SERPINF1: variants seen among roughly 807,000 people sequenced by gnomAD.
SERPINF1 encodes the protein serpin family F member 1, also known as pigment epithelium-derived factor.
A neutral mutation model predicts 37.3 loss-of-function variants in SERPINF1; 29 were observed. That is an observed-to-expected ratio of 0.78 (90% CI 0.58 to 1.06). SERPINF1 has a LOEUF of 1.06. Ranked by LOEUF, SERPINF1 falls within the 50% of genes least tolerant of loss-of-function variation. The pLI, the probability that SERPINF1 is intolerant of heterozygous loss-of-function variation, is 0.00. For synonymous variants in SERPINF1, 281 were observed against 227.9 expected (o/e 1.23, Z -2.10); for missense variants, 553 against 532.2 (o/e 1.04, Z -0.38).
chr17:1,771,877 C>G lies in SERPINF1; in HGVS notation c.445C>G (p.Arg149Gly), dbSNP rs781065150. The stretch of plus-strand genomic sequence containing the variant: ...TCTGCTCCGCCTCTTCTCAGAGCTG[C>G]GCATAAAATCCAGCTTTGTGGCACC... ...ASRIVFEKKL[R>G]IKSSFVAPLE... The change falls in exon 5 of 8, where the codon CGC (arginine) becomes GGC (glycine). Residue 149 changes from arginine (R) to glycine (G), a missense_variant. Arg to Gly is a moderately radical substitution (Grantham distance 125). Transcript: ENST00000254722. 1 of 1,612,226 alleles carries G rather than the reference C, an allele frequency of 6.2e-7. No individual in the cohort carries two copies.
In SERPINF1 at chr17:1,771,082, A is replaced by T; in HGVS notation, c.337A>T (p.Ile113Phe). The change falls in exon 4 of 8, where the codon ATC (isoleucine) becomes TTC (phenylalanine). Residue 113 changes from isoleucine to phenylalanine, a missense_variant. Transcript: ENST00000254722. ...IIHRALYYDL[I>F]SSPDIHGTYK... ...TCACCGGGCTCTCTACTATGACTTG[A>T]TCAGCAGCCCAGACATCCATGGTAC... 1.2e-6 allele frequency: 2 copies of T among 1,614,032 alleles called. No homozygotes were observed. Among genetic ancestry groups the T allele is most frequent in the Non-Finnish European group, 1.7e-6 (2 of 1,179,982 alleles).
At chr17:1,771,503 G>C (rs1907735598) in intron 4 of SERPINF1, among the ~76,000 whole-genome samples, 1 of 152,120 alleles carries the variant, frequency 6.6e-6, no homozygotes, top group African/African-American at 2.4e-5. Context: ...CTCCCAAAGT[G>C]CTGGGATTAC....
intron 3 of SERPINF1, chr17:1,770,470 T>G: frequency 5.4e-6 from 1 of 186,594 alleles, no homozygotes; most frequent in Non-Finnish European, 1.1e-5. Flanking sequence ...TTTTTTTTTT[T>G]TCTTTCTGAG....
intron 4 of SERPINF1, 144 bp downstream of exon 4, chr17:1,771,328 A>T: frequency 1.2e-6 from 1 of 802,836 alleles, no homozygotes; most frequent in Non-Finnish European, 1.9e-6. Context: ...GGCTCACTGC[A>T]ACCTCCACCT....
chr17:1,766,699 A>G, intron 1 of SERPINF1: 1 of 578,174 alleles, frequency 1.7e-6, no homozygotes, highest in Non-Finnish European at 3.1e-6. Flanking sequence ...GAGGGGCGGG[A>G]GAACCTTGCT....
chr17:1,776,895 C>G (rs1908068148), intron 7 of SERPINF1, among the ~76,000 whole-genome samples, 153 bp downstream of exon 7: 1 of 151,404 alleles, frequency 6.6e-6, no homozygotes, highest in Admixed American at 6.6e-5. Context: ...GAAGGGAAGG[C>G]TGAACTGCCT....
chr17:1,766,314 G>C (rs527560072), intron 1 of SERPINF1: 16 of 152,332 alleles, frequency 1.1e-4, no homozygotes, highest in Admixed American at 3.3e-4. Context: ...CTAGCACTTT[G>C]GGAGGCTGAA....
intron 6 of SERPINF1, among the ~76,000 whole-genome samples, chr17:1,775,670 A>C (rs1268615521): frequency 6.6e-6 from 1 of 151,526 alleles, no homozygotes; most frequent in African/African-American, 2.4e-5. Flanking sequence ...CAGCCTCCTG[A>C]GTAGCTGGGA....
In SERPINF1 at chr17:1,776,571, T is replaced by G; in HGVS notation, c.826T>G (p.Phe276Val). The G allele has an allele frequency of 6.2e-7, 1 of 1,614,050 alleles. No homozygotes were observed. The highest frequency in any genetic ancestry group is 8.5e-7 in the Non-Finnish European group (1 of 1,180,018). ...CTTGACCGGAAGCATGAGTATCATC[T>G]TCTTCCTGCCCCTGAAAGTGACCCA... ...LPLTGSMSII[F>V]FLPLKVTQNL... The change falls in exon 7 of 8, where the codon TTC becomes GTC. Residue 276 changes from phenylalanine to valine, a missense_variant. Phe to Val is a conservative substitution (Grantham distance 50, BLOSUM62 -1). Coordinates refer to ENST00000254722, the MANE Select transcript of SERPINF1 (RefSeq NM_002615.7).
chr17:1,776,188 C>G (rs1908018872), intron 6 of SERPINF1, among the ~76,000 whole-genome samples: 1 of 152,146 alleles, frequency 6.6e-6, no homozygotes, highest in East Asian at 1.9e-4. Flanking sequence ...CTCTATTTAA[C>G]AAATGAGCAG....
In SERPINF1 at chr17:1,776,610, A is replaced by C. The variant is rs758646093; in HGVS notation, c.865A>C (p.Ile289Leu). 46 of 1,613,926 alleles carry C rather than the reference A, an allele frequency of 2.9e-5. No individual in the cohort carries two copies. Among genetic ancestry groups the C allele is most frequent in the Middle Eastern group, 3.3e-4 (2 of 6,084 alleles). The change falls in exon 7 of 8, where the codon ATA (isoleucine) becomes CTA (leucine). Residue 289 changes from isoleucine (I) to leucine (L), a missense_variant. Transcript: ENST00000254722. ...PLKVTQNLTLIEESLTSEFIH... is the reference protein window; with the variant it reads ...PLKVTQNLTLLEESLTSEFIH... ...GAAAGTGACCCAGAATTTGACCTTG[A>C]TAGAGGAGAGCCTCACCTCCGAGTT...
At chr17:1,764,711 C>T (rs1262373127) in intron 1 of SERPINF1, among the ~76,000 whole-genome samples, 3 of 152,256 alleles carry the variant, frequency 2.0e-5, no homozygotes, top group Middle Eastern at 3.4e-3. Flanking sequence ...TTCTGATCCA[C>T]TTTGTTCTGG....
chr17:1,772,699 C>T (rs1444314023), intron 5 of SERPINF1, among the ~76,000 whole-genome samples: 1 of 152,108 alleles, frequency 6.6e-6, no homozygotes, highest in East Asian at 1.9e-4. Context: ...GCTGGGACTA[C>T]AGGCGCCCGC....
intron 2 of SERPINF1, among the ~76,000 whole-genome samples, chr17:1,768,430 C>CAAAAAA (rs71150813): frequency 0.027 from 2,495 of 91,616 alleles, 93 homozygotes; most frequent in African/African-American, 0.085. Flanking sequence ...GACTCCGTCT[C>CAAAAAA]AAAAAAAAAA....
intron 7 of SERPINF1, 46 bp from the exon 8 acceptor site, chr17:1,777,141 T>C (rs781626935): frequency 3.1e-6 from 5 of 1,613,676 alleles, no homozygotes; most frequent in Non-Finnish European, 3.4e-6. Context: ...GGTTGGGGTG[T>C]TGGGGAAGGC....
At chr17:1,766,824 G>A in intron 1 of SERPINF1, 79 bp from the exon 2 acceptor site, 1 of 1,399,052 alleles carries the variant, frequency 7.1e-7, no homozygotes, top group Admixed American at 2.0e-5. Context: ...CTGGGTCCTG[G>A]CTGGGGTGGC....
intron 5 of SERPINF1, among the ~76,000 whole-genome samples, chr17:1,774,188 GTTTAC>G (rs1044421577): frequency 6.6e-6 from 1 of 152,128 alleles, no homozygotes; most frequent in African/African-American, 2.4e-5. Flanking sequence ...GTGCACACCA[GTTTAC>G]TTTTCTTTCT....
intron 1 of SERPINF1, among the ~76,000 whole-genome samples, chr17:1,763,320 C>T (rs991968857): frequency 2.6e-5 from 4 of 152,192 alleles, no homozygotes; most frequent in African/African-American, 4.8e-5. Flanking sequence ...ATCCGCCTCA[C>T]GTGGAGGCAA....
chr17:1,766,802 C>T (rs1474998326), intron 1 of SERPINF1, 101 bp from the exon 2 acceptor site: 1 of 1,177,692 alleles, frequency 8.5e-7, no homozygotes, highest in South Asian at 1.3e-5. Context: ...AGTGACTAGC[C>T]CTGCCCAACC....
Sources: gnomAD v4.1 joint callset for allele counts (sites outside exome capture counted in the v4.1 genomes callset) on GRCh38, gnomAD v4.1.1 for gene constraint, MANE v1.5 for transcripts, NCBI Gene and HGNC (gene_info 2026-07-23, HGNC 2026-07-21) for gene names.